Variants in BMP7 observed in about 807,000 individuals in gnomAD.
The protein encoded by BMP7 is bone morphogenetic protein 7.
In BMP7, 12 loss-of-function variants were observed where a neutral mutation model predicts 41.2. That is an observed-to-expected ratio of 0.29 (90% CI 0.19 to 0.47). The LOEUF (loss-of-function observed/expected upper bound fraction) is 0.47. Among genes scored for constraint, BMP7 ranks in the 20% least tolerant of loss-of-function variants. BMP7 has a pLI of 0.99. For synonymous variants in BMP7, 248 were observed against 250.0 expected (o/e 0.99, Z 0.07); for missense variants, 467 against 606.0 (o/e 0.77, Z 2.41).
chr20:57,207,942 G>C (rs1040657871), intron 2 of BMP7, among the ~76,000 whole-genome samples: 1 of 149,398 alleles, frequency 6.7e-6, no homozygotes, highest in African/African-American at 2.5e-5. Flanking sequence ...CCATTCTCCT[G>C]CCTCAGCCTC....
chr20:57,228,330 C>T lies in BMP7; in HGVS notation c.510G>A (p.Thr170=), dbSNP rs756406390. The stretch of plus-strand genomic sequence containing the variant: ...CCTTGTAGATCCGGAATTCGGCTGC[C>T]GTGACAGCTTCCCCTTCTGGGATCT... ...LSKIPEGEAV[T]AAEFRIYKDY... Residue 170 remains threonine, a synonymous_variant, in exon 2 of 7, where the codon ACG becomes ACA. Transcript: ENST00000395863. The surrounding 1 kb of genome is among the most constrained non-coding windows in gnomAD (Gnocchi z 4.5). The T allele has an allele frequency of 1.2e-5, 20 of 1,614,070 alleles. No individual in the cohort carries two copies. The highest frequency in any genetic ancestry group is 8.3e-5 in the Admixed American group (5 of 60,004).
chr20:57,191,984 A>G lies in BMP7; in HGVS notation c.761-8065T>C, dbSNP rs1984370610. Among the ~76,000 whole-genome samples the G allele has an allele frequency of 2.4e-5, 3 of 126,784 alleles. No homozygotes were observed. The Admixed American group carries it at 2.6e-4, about 11-fold the overall frequency. The allele number at this position is 126,784 out of a possible 152,430, so 83.2% of individuals were successfully genotyped here. ...ACCACATAATATAGTATATTATATA[A>G]TTGTATATTATTGTATATGTAATAT... On this transcript the variant is annotated intron_variant, in intron 3 of 6. Coordinates refer to ENST00000395863, the MANE Select transcript of BMP7 (RefSeq NM_001719.3).
Position 57,169,671 on chromosome 20 carries a change from T to A in BMP7, c.*1288A>T, listed in dbSNP as rs1600724875. 1.3e-5 allele frequency: 2 copies of A among 152,198 alleles called. No homozygotes were observed. The highest frequency in any genetic ancestry group is 2.9e-5 in the Non-Finnish European group (2 of 68,034). 9.4% of individuals were successfully genotyped at this position (152,198 alleles called of 1,614,324 possible). On this transcript the variant is annotated 3_prime_UTR_variant, in exon 7 of 7. Transcript: ENST00000395863. ...CCAGGGCCCAGCCTTGGAATGCCAC[T>A]GCAGACAAAGACCAGAGGGTCCACT...
At chr20:57,210,519 A>AG (rs1984853896) in intron 2 of BMP7, among the ~76,000 whole-genome samples, 1 of 152,206 alleles carries the variant, frequency 6.6e-6, no homozygotes, top group Non-Finnish European at 1.5e-5. Context: ...CCCGCCTCCC[A>AG]GGGGAGTAAG....
intron 1 of BMP7, among the ~76,000 whole-genome samples, chr20:57,238,707 A>T (rs1025898756): frequency 2.0e-5 from 3 of 152,130 alleles, no homozygotes; most frequent in African/African-American, 7.2e-5. Flanking sequence ...CAGGAAAAAA[A>T]AAAAGAGGTT....
chr20:57,248,505 C>T (rs555567197), intron 1 of BMP7, among the ~76,000 whole-genome samples: 1 of 152,186 alleles, frequency 6.6e-6, no homozygotes, highest in African/African-American at 2.4e-5. Context: ...TGTGCCATTC[C>T]CCATCCTCCT....
rs116355512 is a variant in BMP7, at chr20:57,213,538, G to A, written c.612-10915C>T. 4.4e-3 allele frequency among the ~76,000 whole-genome samples: 665 copies of A among 152,314 alleles called. 5 individuals carry two copies. The highest frequency in any genetic ancestry group is 0.031 in the East Asian group (160 of 5,186). ...GAAATGTCTGCTCCGGCAATGGAGC[G>A]CAGTAACGAGCCGTTCAAACTTGTG... is the stretch of plus-strand genomic sequence containing the variant. On this transcript the variant is annotated intron_variant, in intron 2 of 6. Coordinates refer to ENST00000395863, the MANE Select transcript of BMP7 (RefSeq NM_001719.3). The surrounding 1 kb of genome is among the most constrained non-coding windows in gnomAD (Gnocchi z 4.4).
At chr20:57,242,999 A>G (rs1456101187) in intron 1 of BMP7, among the ~76,000 whole-genome samples, 3 of 151,930 alleles carry the variant, frequency 2.0e-5, no homozygotes, top group African/African-American at 7.2e-5. Context: ...CAAAAATTCC[A>G]TCTCAAAAAA....
chr20:57,191,255 G>A (rs933796652), intron 3 of BMP7, among the ~76,000 whole-genome samples: 7 of 152,130 alleles, frequency 4.6e-5, no homozygotes, highest in Admixed American at 6.5e-5. Flanking sequence ...TTCATGCCTC[G>A]GGTACTGAGC....
chr20:57,195,604 G>A (rs1012968811), intron 3 of BMP7, among the ~76,000 whole-genome samples: 2 of 152,252 alleles, frequency 1.3e-5, no homozygotes, highest in Admixed American at 6.5e-5. Flanking sequence ...CGCCGTGGGC[G>A]GCATCGCTCA....
At chr20:57,243,461 C>T (rs1015708503) in intron 1 of BMP7, among the ~76,000 whole-genome samples, 1 of 151,870 alleles carries the variant, frequency 6.6e-6, no homozygotes, top group Admixed American at 6.6e-5. Flanking sequence ...GGTGACACAG[C>T]AAGACTCTGC....
intron 1 of BMP7, among the ~76,000 whole-genome samples, chr20:57,229,502 C>T (rs893187324): frequency 6.6e-6 from 1 of 152,164 alleles, no homozygotes; most frequent in Non-Finnish European, 1.5e-5. Flanking sequence ...GGGTGGGGAC[C>T]TGTGGCTCCT....
chr20:57,179,842 G>A (rs1264996782), intron 4 of BMP7, among the ~76,000 whole-genome samples: 1 of 152,224 alleles, frequency 6.6e-6, no homozygotes, highest in Non-Finnish European at 1.5e-5. Flanking sequence ...CCGCGGGAAG[G>A]AGGCAGGTTC....
chr20:57,243,915 C>T (rs2066079502), intron 1 of BMP7: 1 of 145,972 alleles, frequency 6.9e-6, no homozygotes, highest in Non-Finnish European at 1.6e-5. Context: ...AAAGTAAGAA[C>T]TGAGCAAAGG....
chr20:57,215,492 G>C lies in BMP7; in HGVS notation c.611+12737C>G, dbSNP rs1310000532. ...TTTCTGGAAAACTGGAGGCTCTACT[G>C]TTCCATTCAACCCAGGCATGATCCA... On this transcript the variant is annotated intron_variant, in intron 2 of 6. Transcript: ENST00000395863. This position sits in a 1 kb window ranked among gnomAD's most constrained non-coding sequence, Gnocchi z 4.2. 6.6e-6 allele frequency: 1 copy of C among 152,260 alleles called. No homozygotes were observed. Among genetic ancestry groups the C allele is most frequent in the African/African-American group, 2.4e-5 (1 of 41,464 alleles). The allele number at this position is 152,260 out of a possible 1,614,324, so 9.4% of individuals were successfully genotyped here.
intron 3 of BMP7, among the ~76,000 whole-genome samples, chr20:57,199,898 C>T (rs191741150): frequency 2.0e-5 from 3 of 152,318 alleles, no homozygotes; most frequent in African/African-American, 7.2e-5. Flanking sequence ...AGGGCCCTGC[C>T]CAGGAGGAGC....
At position 57,215,947 on chromosome 20, in the gene BMP7, C is replaced by G. The variant is rs1169993407; in HGVS notation, c.611+12282G>C. On this transcript the variant is annotated intron_variant, in intron 2 of 6. Transcript: ENST00000395863. This position sits in a 1 kb window ranked among gnomAD's most constrained non-coding sequence, Gnocchi z 4.2. The stretch of plus-strand genomic sequence containing the variant: ...ACAGGCTGTTTTAAGATTCCAAACC[C>G]AGAGACAGAAAAAGTGCAGCAAAGC... 1.3e-5 allele frequency: 2 copies of G among 151,184 alleles called. No individual in the cohort carries two copies. Among genetic ancestry groups the G allele is most frequent in the African/African-American group, 4.9e-5 (2 of 41,034 alleles). The allele number at this position is 151,184 out of a possible 1,614,324, so 9.4% of individuals were successfully genotyped here.
intron 3 of BMP7, among the ~76,000 whole-genome samples, chr20:57,193,682 G>A (rs981815632): frequency 6.6e-6 from 1 of 152,100 alleles, no homozygotes; most frequent in Non-Finnish European, 1.5e-5. Context: ...CATCCATCTG[G>A]TGGCTTCCAG....
chr20:57,207,949 C>G (rs1467796618), intron 2 of BMP7, among the ~76,000 whole-genome samples: 3 of 151,488 alleles, frequency 2.0e-5, no homozygotes, highest in African/African-American at 7.3e-5. Context: ...CCTGCCTCAG[C>G]CTCCCCAGTA....
Sources: gnomAD v4.1 joint callset for allele counts (sites outside exome capture counted in the v4.1 genomes callset) on GRCh38, gnomAD v4.1.1 for gene constraint, Gnocchi (gnomAD v3.1) non-coding constraint, MANE v1.5 for transcripts, NCBI Gene and HGNC (gene_info 2026-07-23, HGNC 2026-07-21) for gene names.